The following SRGAP3 variants were observed in gnomAD, a reference collection of about 807,000 sequenced individuals.
SRGAP3 encodes the protein SLIT-ROBO Rho GTPase activating protein 3.
Under a neutral mutation model 121.1 loss-of-function variants are expected in SRGAP3, and 39 were observed. The observed-to-expected ratio is 0.32, with a 90% CI of 0.25 to 0.42. The LOEUF is 0.42. SRGAP3 is among the 10% of genes least tolerant of loss of function. SRGAP3 has a pLI of 1.00. For synonymous variants in SRGAP3, 601 were observed against 570.0 expected, an observed-to-expected ratio of 1.05 and a Z score of -0.77; for missense variants, 1,213 against 1,470.6, an observed-to-expected ratio of 0.82 and a Z score of 2.86.
intron 10 of SRGAP3, among the ~76,000 whole-genome samples, chr3:9,043,041 T>C (rs1424985927): frequency 6.6e-6 from 1 of 152,218 alleles, no homozygotes; most frequent in East Asian, 1.9e-4. Context: ...GAAGCCTCTC[T>C]GATCACCCTA....
intron 12 of SRGAP3, among the ~76,000 whole-genome samples, chr3:9,027,731 C>A (rs564801713): frequency 1.3e-5 from 2 of 152,166 alleles, no homozygotes; most frequent in African/African-American, 4.8e-5. Flanking sequence ...ATGATTATGG[C>A]GGAGGGGAAA....
intron 3 of SRGAP3, among the ~76,000 whole-genome samples, chr3:9,303,943 A>C (rs1380119815): frequency 6.6e-6 from 1 of 152,100 alleles, no homozygotes; most frequent in African/African-American, 2.4e-5. Flanking sequence ...CTTGAGTGAG[A>C]CTTGAGTAAG....
At chr3:9,359,927 A>G (rs2030706519) in intron 1 of SRGAP3, among the ~76,000 whole-genome samples, 1 of 152,128 alleles carries the variant, frequency 6.6e-6, no homozygotes, top group Admixed American at 6.6e-5. Context: ...TTTGTGTACA[A>G]GTTGTTGTTT....
At chr3:9,178,683 G>A (rs1145148) in intron 1 of SRGAP3, among the ~76,000 whole-genome samples, 27,910 of 152,136 alleles carry the variant, frequency 0.18, 3,223 homozygotes, top group Admixed American at 0.26. Context: ...GCAGGCTGAC[G>A]GCATGACGGA....
intron 8 of SRGAP3, among the ~76,000 whole-genome samples, chr3:9,055,762 C>A (rs2125171627): frequency 6.6e-6 from 1 of 152,332 alleles, no homozygotes; most frequent in East Asian, 1.9e-4. Context: ...ACAACCCAAA[C>A]ATAGCAACTA....
At chr3:9,156,230 G>GT (rs1950411978) in intron 1 of SRGAP3, among the ~76,000 whole-genome samples, 1 of 152,202 alleles carries the variant, frequency 6.6e-6, no homozygotes, top group Admixed American at 6.5e-5. Flanking sequence ...TGTCAGGAGG[G>GT]TTTTTGTGTG....
upstream of SRGAP3, among the ~76,000 whole-genome samples, chr3:9,253,488 G>GA (rs1360091761): frequency 1.3e-5 from 2 of 152,048 alleles, no homozygotes; most frequent in Non-Finnish European, 2.9e-5. Flanking sequence ...CTGGTAGAAA[G>GA]AAAAAAGGCT....
chr3:9,224,853 A>T (rs1487808029), intron 1 of SRGAP3, among the ~76,000 whole-genome samples: 1 of 152,160 alleles, frequency 6.6e-6, no homozygotes, highest in African/African-American at 2.4e-5. Context: ...AGGGTGTCCT[A>T]TAGGTTGTGA....
chr3:9,335,416 A>G (rs1053941378), intron 1 of SRGAP3, among the ~76,000 whole-genome samples: 1 of 152,252 alleles, frequency 6.6e-6, no homozygotes, highest in Non-Finnish European at 1.5e-5. Context: ...TACAAAACAT[A>G]TCTATGGACT....
rs565311713 is a variant in SRGAP3 at position 9,066,519 on chromosome 3, G to A, written c.487-1938C>T. ...CTGTGACTTTATTTTTTCTTTTTGAGACAGAGTTTCACTCTTGTTGCCCAG... is the reference window on the plus strand; with the variant it reads ...CTGTGACTTTATTTTTTCTTTTTGAAACAGAGTTTCACTCTTGTTGCCCAG... On this transcript the variant is annotated intron_variant, in intron 4 of 21. Coordinates refer to ENST00000383836, the MANE Select transcript of SRGAP3 (RefSeq NM_014850.4). Among the ~76,000 whole-genome samples the A allele has an allele frequency of 2.6e-5, 4 of 152,228 alleles. No individual in the cohort carries two copies. The East Asian group carries it at 7.7e-4, about 29-fold the overall frequency.
intron 4 of SRGAP3, among the ~76,000 whole-genome samples, chr3:9,077,005 C>T (rs1409495257): frequency 6.6e-6 from 1 of 152,118 alleles, no homozygotes. Context: ...GGTACATATG[C>T]ACAACGTGCA....
intron 3 of SRGAP3, among the ~76,000 whole-genome samples, chr3:9,280,302 T>G (rs1489045394): frequency 6.6e-6 from 1 of 152,214 alleles, no homozygotes; most frequent in African/African-American, 2.4e-5. Flanking sequence ...AAGCAGAGTC[T>G]TCATGTGTTG....
At chr3:8,990,486 C>A (rs781699908) in intron 21 of SRGAP3, 26 bp downstream of exon 21, 2 of 1,549,848 alleles carry the variant, frequency 1.3e-6, no homozygotes, top group East Asian at 4.9e-5. Context: ...TTTGGCTGCC[C>A]AGCCTGCCTT....
chr3:9,143,926 ACTT>A (rs1194688761), intron 1 of SRGAP3, among the ~76,000 whole-genome samples: 2 of 151,948 alleles, frequency 1.3e-5, no homozygotes, highest in African/African-American at 4.8e-5. Context: ...CCAGCCCAAC[ACTT>A]CTTCTAAATT....
chr3:9,361,458 G>A (rs77163188), intron 1 of SRGAP3, among the ~76,000 whole-genome samples: 3,249 of 152,116 alleles, frequency 0.021, 101 homozygotes, highest in African/African-American at 0.066. Flanking sequence ...TTTAAATTCG[G>A]TTTATCTTTT....
intron 9 of SRGAP3, among the ~76,000 whole-genome samples, chr3:9,048,882 C>T (rs1312514071): frequency 6.6e-6 from 1 of 152,102 alleles, no homozygotes; most frequent in East Asian, 1.9e-4. Flanking sequence ...TCTAGAAGAC[C>T]TCACTGCAAA....
chr3:9,208,852 C>T (rs927433633), intron 1 of SRGAP3, among the ~76,000 whole-genome samples: 12 of 152,210 alleles, frequency 7.9e-5, no homozygotes, highest in African/African-American at 2.2e-4. Flanking sequence ...GAAAGAACTG[C>T]CTATCTCCAG....
intron 3 of SRGAP3, among the ~76,000 whole-genome samples, chr3:9,319,667 T>C (rs1157587553): frequency 6.6e-6 from 1 of 151,812 alleles, no homozygotes; most frequent in Admixed American, 6.5e-5. Context: ...ACCAAAGCGA[T>C]CTGAATCCCT....
At chr3:8,987,110 A>C (rs1424219595) in intron 21 of SRGAP3, among the ~76,000 whole-genome samples, 3 of 152,220 alleles carry the variant, frequency 2.0e-5, no homozygotes, top group Non-Finnish European at 4.4e-5. Context: ...ATCTATTACA[A>C]TCCCAGACAT....
Sources: allele counts gnomAD v4.1 joint callset (sites outside exome capture counted in the v4.1 genomes callset), GRCh38; gene constraint gnomAD v4.1.1; transcripts MANE v1.5; gene names NCBI Gene and HGNC (gene_info 2026-07-23, HGNC 2026-07-21).